Variants in CERS5 observed in about 807,000 individuals in gnomAD.
CERS5 encodes the protein LAG1 homolog, ceramide synthase 5.
CERS5 carries 37 observed loss-of-function variants against 58.9 expected under a neutral mutation model. That is an observed-to-expected ratio of 0.63 (90% CI 0.48 to 0.83). The LOEUF (loss-of-function observed/expected upper bound fraction) is 0.83, where lower values mean the gene tolerates loss of function less well. CERS5 is among the 40% of genes least tolerant of loss of function. The pLI is 0.00. For synonymous variants in CERS5, 147 were observed against 177.8 expected (o/e 0.83, Z 1.38); for missense variants, 398 against 489.3 (o/e 0.81, Z 1.76).
At chr12:50,134,288 A>G in intron 9 of CERS5, 1 of 693,550 alleles carries the variant, frequency 1.4e-6, no homozygotes, top group Non-Finnish European at 2.0e-6. Flanking sequence ...CTGCAGTGGG[A>G]GAATCCAAGC....
At chr12:50,141,811 C>T (rs1459952881) in intron 4 of CERS5, among the ~76,000 whole-genome samples, 12 of 151,856 alleles carry the variant, frequency 7.9e-5, no homozygotes, top group African/African-American at 2.7e-4. Context: ...TGGTGATGTG[C>T]ACCTGTAGTC....
chr12:50,144,762 C>A (rs746452314), intron 1 of CERS5: 22 of 1,505,284 alleles, frequency 1.5e-5, no homozygotes, highest in Non-Finnish European at 2.0e-5. Flanking sequence ...TTGGTAAAAT[C>A]ACTTACCTCT....
chr12:50,153,848 G>A (rs1938263388), intron 1 of CERS5: 1 of 422,466 alleles, frequency 2.4e-6, no homozygotes, highest in African/African-American at 2.1e-5. Context: ...CAGCTACTTG[G>A]AAGGCTGAGG....
chr12:50,162,535 G>A (rs1308305462), intron 1 of CERS5, among the ~76,000 whole-genome samples: 1 of 151,412 alleles, frequency 6.6e-6, no homozygotes, highest in Admixed American at 6.6e-5. Flanking sequence ...CAAGGATTCT[G>A]GGCTCTGAAA....
intron 1 of CERS5, chr12:50,148,619 G>A (rs560723507): frequency 2.2e-5 from 6 of 278,956 alleles, no homozygotes; most frequent in Non-Finnish European, 4.7e-5. Flanking sequence ...TAAATAGGCC[G>A]GGCGTGGTGA....
chr12:50,159,388 A>G (rs754799103), intron 1 of CERS5, among the ~76,000 whole-genome samples: 32 of 152,338 alleles, frequency 2.1e-4, no homozygotes, highest in Non-Finnish European at 4.1e-4. Context: ...AAAATAATTT[A>G]CATTTAGAAA....
intron 1 of CERS5, among the ~76,000 whole-genome samples, chr12:50,166,715 C>T (rs893871727): frequency 6.6e-6 from 1 of 152,218 alleles, no homozygotes; most frequent in Non-Finnish European, 1.5e-5. Flanking sequence ...ATGGTCACAA[C>T]TAGCTCTGGT....
chr12:50,136,343 T>C (rs1270618205), intron 6 of CERS5, among the ~76,000 whole-genome samples: 1 of 152,008 alleles, frequency 6.6e-6, no homozygotes, highest in African/African-American at 2.4e-5. Flanking sequence ...CTTGGTGGCA[T>C]GTGCCTGTAA....
chr12:50,138,776 C>A (rs1240707666), intron 4 of CERS5, among the ~76,000 whole-genome samples, 159 bp from the exon 5 acceptor site: 4 of 152,152 alleles, frequency 2.6e-5, no homozygotes, highest in African/African-American at 9.7e-5. Flanking sequence ...AATAGCTAGA[C>A]TGTTCTTCTA....
intron 4 of CERS5, among the ~76,000 whole-genome samples, chr12:50,140,700 T>G (rs1951926077): frequency 6.6e-6 from 1 of 152,232 alleles, no homozygotes; most frequent in Non-Finnish European, 1.5e-5. Flanking sequence ...GAGACTTATT[T>G]TATGGCCCAG....
At chr12:50,155,105 A>C (rs954295369) in intron 1 of CERS5, among the ~76,000 whole-genome samples, 2 of 151,802 alleles carry the variant, frequency 1.3e-5, no homozygotes, top group Admixed American at 6.6e-5. Context: ...TGATCCACCC[A>C]CCTAGGCCTC....
chr12:50,162,584 T>A (rs1358978601), intron 1 of CERS5, among the ~76,000 whole-genome samples: 4 of 151,792 alleles, frequency 2.6e-5, no homozygotes, highest in African/African-American at 9.7e-5. Flanking sequence ...ATTGTCCCAA[T>A]ATACCTCTTT....
At chr12:50,134,872 G>A (rs1211502030) in intron 8 of CERS5, 170 bp from the exon 9 acceptor site, 3 of 609,284 alleles carry the variant, frequency 4.9e-6, no homozygotes, top group Admixed American at 6.1e-5. Context: ...GGAGGAGCCT[G>A]TTGTGTTTTC....
chr12:50,136,166 C>T, intron 6 of CERS5, 97 bp from the exon 7 acceptor site: 1 of 1,139,784 alleles, frequency 8.8e-7, no homozygotes, highest in South Asian at 2.3e-5. Flanking sequence ...AATCTTACCC[C>T]ACCCCATATA....
intron 6 of CERS5, 37 bp from the exon 7 acceptor site, chr12:50,136,106 C>G: frequency 6.8e-7 from 1 of 1,468,430 alleles, no homozygotes; most frequent in East Asian, 2.4e-5. Context: ...GAGGTAAAAG[C>G]TGGGCCCTAG....
chr12:50,164,828 G>T (rs530168915), intron 1 of CERS5, among the ~76,000 whole-genome samples: 1 of 152,184 alleles, frequency 6.6e-6, no homozygotes, highest in South Asian at 2.1e-4. Context: ...ATATAAAATG[G>T]GTGTTTATAA....
At chr12:50,143,435 A>G (rs1952088466) in intron 2 of CERS5, 2 of 417,548 alleles carry the variant, frequency 4.8e-6, no homozygotes, top group Non-Finnish European at 4.2e-6. Context: ...CAAGCTGAGT[A>G]AAAAAGGATA....
chr12:50,151,881 G>C (rs1175344551), intron 1 of CERS5, among the ~76,000 whole-genome samples: 1 of 152,228 alleles, frequency 6.6e-6, no homozygotes, highest in East Asian at 1.9e-4. Flanking sequence ...CTGGCCTCTA[G>C]TGGATTCACC....
At chr12:50,134,417 T>C (rs773036100) in intron 9 of CERS5, 129 bp downstream of exon 9, 57 of 1,602,394 alleles carry the variant, frequency 3.6e-5, no homozygotes, top group Non-Finnish European at 4.6e-5. Flanking sequence ...GCGAAGACTT[T>C]GGAGCCCTAG....
Sources: allele counts gnomAD v4.1 joint callset (sites outside exome capture counted in the v4.1 genomes callset), GRCh38; gene constraint gnomAD v4.1.1; transcripts MANE v1.5; gene names NCBI Gene and HGNC (gene_info 2026-07-23, HGNC 2026-07-21).